HIVEP3: variants seen among roughly 807,000 people sequenced by gnomAD.
HIVEP3 encodes transcription factor HIVEP3.
Under a neutral mutation model 152.8 loss-of-function variants are expected in HIVEP3, and 49 were observed. That is an observed-to-expected ratio of 0.32 (90% CI 0.26 to 0.41). HIVEP3 has a LOEUF of 0.41. Among genes scored for constraint, HIVEP3 ranks in the 10% least tolerant of loss-of-function variants. The probability of loss-of-function intolerance (pLI) is 1.00; values close to 1 mark genes in which losing one functional copy is unlikely to be tolerated. For synonymous variants in HIVEP3, 1,269 were observed against 1,289.0 expected, an observed-to-expected ratio of 0.98 and a Z score of 0.33; for missense variants, 2,790 against 3,103.3, an observed-to-expected ratio of 0.90 and a Z score of 2.40.
At chr1:42,031,409 T>C (rs751199422) in intron 1 of HIVEP3, among the ~76,000 whole-genome samples, 2 of 152,206 alleles carry the variant, frequency 1.3e-5, no homozygotes, top group Non-Finnish European at 2.9e-5. Context: ...TTAAACTCAA[T>C]TTGCTCCTAG....
At chr1:41,793,439 C>T (rs1019243978) in intron 1 of HIVEP3, among the ~76,000 whole-genome samples, 1 of 152,172 alleles carries the variant, frequency 6.6e-6, no homozygotes, top group Non-Finnish European at 1.5e-5. Flanking sequence ...TAGGGTCACA[C>T]ACAGAGGGGC....
intron 2 of HIVEP3, among the ~76,000 whole-genome samples, chr1:41,671,049 C>T (rs549686869): frequency 1.3e-5 from 2 of 152,332 alleles, no homozygotes; most frequent in South Asian, 4.1e-4. Flanking sequence ...TCCCTTTCTG[C>T]TTCAACCAGA....
intron 1 of HIVEP3, among the ~76,000 whole-genome samples, chr1:41,726,873 G>C (rs1646759858): frequency 6.6e-6 from 1 of 152,238 alleles, no homozygotes; most frequent in South Asian, 2.1e-4. Context: ...GCAGTCTGCA[G>C]GGAAAATGAT....
At chr1:41,518,231 T>TTGTC (rs1463290184) in intron 7 of HIVEP3, among the ~76,000 whole-genome samples, 171 bp downstream of exon 7, 1 of 152,072 alleles carries the variant, frequency 6.6e-6, no homozygotes, top group Non-Finnish European at 1.5e-5. Context: ...AATTTAACCT[T>TTGTC]TGTCTGATAC....
At chr1:41,788,566 C>G (rs966181313) in intron 1 of HIVEP3, among the ~76,000 whole-genome samples, 1 of 152,080 alleles carries the variant, frequency 6.6e-6, no homozygotes. Context: ...ACTCTGGGAC[C>G]CGGGCAAGCC....
At chr1:41,715,338 C>T (rs1207230218) in intron 1 of HIVEP3, among the ~76,000 whole-genome samples, 2 of 152,142 alleles carry the variant, frequency 1.3e-5, no homozygotes, top group African/African-American at 4.8e-5. Context: ...CATGGGGCTG[C>T]CCTACTCCCT....
chr1:41,836,848 C>T (rs756467913), intron 1 of HIVEP3, among the ~76,000 whole-genome samples: 9 of 152,228 alleles, frequency 5.9e-5, no homozygotes, highest in Non-Finnish European at 8.8e-5. Flanking sequence ...CTCTCTCCAT[C>T]CCATTGCCAA....
At chr1:41,599,440 C>G (rs1644714115) in intron 3 of HIVEP3, among the ~76,000 whole-genome samples, 2 of 152,164 alleles carry the variant, frequency 1.3e-5, no homozygotes, top group African/African-American at 2.4e-5. Flanking sequence ...TTTAAAACTT[C>G]TGTTCAACAA....
At chr1:41,515,525 C>T (rs970953320) in intron 7 of HIVEP3, among the ~76,000 whole-genome samples, 1 of 152,200 alleles carries the variant, frequency 6.6e-6, no homozygotes. Flanking sequence ...CCTAATTCAA[C>T]ACCTGTTCAC....
At chr1:42,026,748 A>C (rs1042151974) in intron 1 of HIVEP3, among the ~76,000 whole-genome samples, 17 of 152,134 alleles carry the variant, frequency 1.1e-4, no homozygotes, top group African/African-American at 3.9e-4. Flanking sequence ...TCTTTACATA[A>C]CCACTCTTCT....
intron 1 of HIVEP3, among the ~76,000 whole-genome samples, chr1:41,702,192 C>T (rs887243305): frequency 1.3e-5 from 2 of 152,124 alleles, no homozygotes; most frequent in Admixed American, 6.5e-5. Flanking sequence ...ATCATCATCA[C>T]CATCATCCCC....
intron 1 of HIVEP3, among the ~76,000 whole-genome samples, chr1:41,708,519 C>T (rs1646467236): frequency 6.6e-6 from 1 of 152,200 alleles, no homozygotes; most frequent in Non-Finnish European, 1.5e-5. Flanking sequence ...CTCATTCTTC[C>T]ATCTCTGTGG....
intron 1 of HIVEP3, among the ~76,000 whole-genome samples, chr1:41,808,948 A>T (rs349445): frequency 0.78 from 118,405 of 152,212 alleles, 46,342 homozygotes; most frequent in East Asian, 1. Context: ...AAGAGGTAGG[A>T]ATTACTATTT....
rs72949466 is a variant in HIVEP3 at position 41,935,435 on chromosome 1, G to A, written n.120-16911C>T. 2.6e-5 allele frequency among the ~76,000 whole-genome samples: 4 copies of A among 151,974 alleles called. No individual in the cohort carries two copies. In the East Asian group the frequency reaches 5.8e-4, roughly 22 times the overall value. On this transcript the variant is annotated intron_variant and non_coding_transcript_variant, in intron 1 of 3. Transcript: ENST00000489103. ...CTGGAAAAGGTCCATCCTTGCATAA[G>A]AACACAAAAGCATCAGAAATGCCTT...
chr1:41,536,083 G>A (rs1365973403), intron 5 of HIVEP3, among the ~76,000 whole-genome samples: 1 of 152,130 alleles, frequency 6.6e-6, no homozygotes, highest in African/African-American at 2.4e-5. Flanking sequence ...ATGTCAAAGA[G>A]GGGTTGTGGT....
chr1:41,553,979 G>A (rs1643927685), intron 5 of HIVEP3, among the ~76,000 whole-genome samples: 1 of 152,106 alleles, frequency 6.6e-6, no homozygotes, highest in Non-Finnish European at 1.5e-5. Flanking sequence ...GTGTCTTGGG[G>A]TTGCTCTTTT....
intron 1 of HIVEP3, among the ~76,000 whole-genome samples, chr1:41,742,354 A>G (rs1647009778): frequency 1.3e-5 from 2 of 152,192 alleles, no homozygotes; most frequent in South Asian, 4.1e-4. Context: ...AACAAAAAAG[A>G]GCTTCAACAG....
chr1:41,635,835 G>A (rs556801770), intron 2 of HIVEP3, among the ~76,000 whole-genome samples: 3 of 152,182 alleles, frequency 2.0e-5, no homozygotes, highest in South Asian at 2.1e-4. Context: ...ACATAACTGT[G>A]TCAATGAATT....
intron 1 of HIVEP3, among the ~76,000 whole-genome samples, chr1:41,795,674 A>G (rs554226162): frequency 6.6e-6 from 1 of 152,072 alleles, no homozygotes; most frequent in Non-Finnish European, 1.5e-5. Flanking sequence ...TTTACAACAA[A>G]TGTGGTCAGA....
Sources: gnomAD v4.1 joint callset for allele counts (sites outside exome capture counted in the v4.1 genomes callset) on GRCh38, gnomAD v4.1.1 for gene constraint, MANE v1.5 for transcripts, NCBI Gene and HGNC (gene_info 2026-07-23, HGNC 2026-07-21) for gene names.